ABR: variants seen among roughly 807,000 people sequenced by gnomAD.
The protein encoded by ABR is active breakpoint cluster region-related protein.
In ABR, 35 loss-of-function variants were observed where a neutral mutation model predicts 107.2. The ratio of observed to expected loss-of-function variants is 0.33; its 90% CI spans 0.25 to 0.43. ABR has a LOEUF of 0.43. Ranked by LOEUF, ABR falls within the 20% of genes least tolerant of loss-of-function variation. ABR has a pLI of 1.00. For synonymous variants in ABR, 498 were observed against 462.0 expected, an observed-to-expected ratio of 1.08 and a Z score of -1.00; for missense variants, 815 against 1,115.2, an observed-to-expected ratio of 0.73 and a Z score of 3.83.
At chr17:1,057,463 C>T (rs1597591333) in intron 12 of ABR, among the ~76,000 whole-genome samples, 2 of 151,726 alleles carry the variant, frequency 1.3e-5, no homozygotes, top group Admixed American at 1.3e-4. Flanking sequence ...CTGCAACCTC[C>T]GCCTCTCAGG....
At chr17:1,091,972 A>G in intron 3 of ABR, 122 bp from the exon 4 acceptor site, 1 of 1,054,928 alleles carries the variant, frequency 9.5e-7, no homozygotes, top group Non-Finnish European at 1.4e-6. Context: ...AAGGCTGCCA[A>G]AGGCAGGGCA....
chr17:1,018,590 C>G (rs1048357121), intron 16 of ABR, among the ~76,000 whole-genome samples: 1 of 152,166 alleles, frequency 6.6e-6, no homozygotes, highest in African/African-American at 2.4e-5. Flanking sequence ...TCAGGGGGAC[C>G]TGGACACAAC....
chr17:1,172,161 C>T (rs1361180227), intron 1 of ABR, among the ~76,000 whole-genome samples: 1 of 152,214 alleles, frequency 6.6e-6, no homozygotes, highest in Non-Finnish European at 1.5e-5. Flanking sequence ...CCAGTCAGGT[C>T]TCGACCCGGG....
Position 1,179,855 on chromosome 17 carries a change from C to G in ABR, c.-128G>C. The G allele has an allele frequency of 1.0e-6, 1 of 988,274 alleles. No homozygotes were observed. Among genetic ancestry groups the G allele is most frequent in the Non-Finnish European group, 1.4e-6 (1 of 732,682 alleles). 61.2% of individuals were successfully genotyped at this position (988,274 alleles called of 1,614,324 possible). A position where few individuals can be genotyped will look rare whatever the true frequency, so the allele number is the denominator to read the frequency against. ...GGGGCGAGGAGGCCGGGAACCAGGT[C>G]CCCGGGAGGAGCGCGGGGCGGCCGG... On this transcript the variant is annotated 5_prime_UTR_variant, in exon 1 of 23. Coordinates refer to ENST00000302538, the MANE Select transcript of ABR (RefSeq NM_021962.5). This position sits in a 1 kb window ranked among gnomAD's most constrained non-coding sequence, Gnocchi z 4.9.
intron 2 of ABR, among the ~76,000 whole-genome samples, chr17:1,103,516 G>A (rs550574754): frequency 3.0e-4 from 45 of 152,148 alleles, no homozygotes; most frequent in African/African-American, 8.7e-4. Flanking sequence ...GGACTAGGAT[G>A]GGGGGAAGAA....
Position 1,078,721 on chromosome 17 carries a change from C to A in ABR, c.700+609G>T. 1 of 1,323,328 alleles carries A rather than the reference C, an allele frequency of 7.6e-7. No individual in the cohort carries two copies. The highest frequency in any genetic ancestry group is 1.0e-6 in the Non-Finnish European group (1 of 967,548). 82.0% of individuals were successfully genotyped at this position (1,323,328 alleles called of 1,614,324 possible). On this transcript the variant is annotated intron_variant, in intron 6 of 22. Coordinates refer to ENST00000302538, the MANE Select transcript of ABR (RefSeq NM_021962.5). This position sits in a 1 kb window ranked among gnomAD's most constrained non-coding sequence, Gnocchi z 7.5. ...GCTCGCCCACCCTCCTTCCCTGCGG[C>A]CCTCTAACCTCCCCGGCCACATCTA...
intron 4 of ABR, among the ~76,000 whole-genome samples, chr17:1,090,446 G>A (rs754840475): frequency 4.6e-5 from 7 of 152,170 alleles, no homozygotes; most frequent in African/African-American, 7.2e-5. Context: ...AGGAGGATAC[G>A]CAGCTGTCCA....
intron 1 of ABR, among the ~76,000 whole-genome samples, chr17:1,173,350 ACT>A (rs2041814764): frequency 8.4e-6 from 1 of 119,044 alleles, no homozygotes; most frequent in Admixed American, 9.3e-5. Context: ...ACCTCAGTCC[ACT>A]CAACACATCA....
chr17:1,099,628 C>A (rs923419816), intron 3 of ABR, among the ~76,000 whole-genome samples: 2 of 152,228 alleles, frequency 1.3e-5, no homozygotes, highest in African/African-American at 2.4e-5. Context: ...GATCACTCTG[C>A]ATAACATCCA....
At chr17:1,035,967 C>T (rs1370250677) in intron 16 of ABR, among the ~76,000 whole-genome samples, 1 of 151,840 alleles carries the variant, frequency 6.6e-6, no homozygotes, top group Admixed American at 6.6e-5. Flanking sequence ...CCTGTGCGAG[C>T]GGGAGGGGCA....
intron 16 of ABR, among the ~76,000 whole-genome samples, chr17:1,042,814 C>G (rs2030873828): frequency 6.6e-6 from 1 of 152,166 alleles, no homozygotes; most frequent in Non-Finnish European, 1.5e-5. Flanking sequence ...AGACGTGGCA[C>G]CTACATCCAC....
Position 1,071,478 on chromosome 17 carries a change from C to T in ABR, c.894+1136G>A, listed in dbSNP as rs1429562761. Among the ~76,000 whole-genome samples the T allele has an allele frequency of 6.6e-6, 1 of 152,216 alleles. No individual in the cohort carries two copies. Among genetic ancestry groups the T allele is most frequent in the Non-Finnish European group, 1.5e-5 (1 of 68,034 alleles). On this transcript the variant is annotated intron_variant, in intron 8 of 22. Coordinates refer to ENST00000302538, the MANE Select transcript of ABR (RefSeq NM_021962.5). The surrounding 1 kb of genome is among the most constrained non-coding windows in gnomAD (Gnocchi z 5.1). ...CCCGGCTGCCAATCCACGAAGGCAA[C>T]TGTCCCTCTCATGCTTCCTGGTACT...
chr17:1,126,886 G>A (rs2039626637), intron 1 of ABR, among the ~76,000 whole-genome samples: 1 of 152,234 alleles, frequency 6.6e-6, no homozygotes, highest in Non-Finnish European at 1.5e-5. Context: ...GAATGAATGA[G>A]CAGAGGATCG....
intron 1 of ABR, among the ~76,000 whole-genome samples, chr17:1,213,363 G>C (rs2042938720): frequency 6.6e-6 from 1 of 152,140 alleles, no homozygotes; most frequent in Admixed American, 6.6e-5. Context: ...GTACTATTTG[G>C]TGTGAATTAA....
intron 4 of ABR, among the ~76,000 whole-genome samples, chr17:1,088,948 T>A (rs918533984): frequency 6.4e-5 from 9 of 141,030 alleles, no homozygotes; most frequent in African/African-American, 2.4e-4. Flanking sequence ...CAGGCTGGAG[T>A]GCAATGGTGT....
chr17:1,117,753 GT>G (rs2039089407), intron 2 of ABR, among the ~76,000 whole-genome samples: 1 of 77,584 alleles, frequency 1.3e-5, no homozygotes. Flanking sequence ...CTGAGCCTGA[GT>G]TCCTCCCAGC....
At chr17:1,116,001 CG>C (rs1567784292) in intron 2 of ABR, among the ~76,000 whole-genome samples, 2 of 151,716 alleles carry the variant, frequency 1.3e-5, no homozygotes, top group Non-Finnish European at 2.9e-5. Flanking sequence ...CCGAGGCGGG[CG>C]GATCACCTGA....
intron 1 of ABR, among the ~76,000 whole-genome samples, chr17:1,215,523 A>T (rs1210548038): frequency 2.0e-5 from 3 of 152,160 alleles, no homozygotes; most frequent in Non-Finnish European, 4.4e-5. Flanking sequence ...TTGCGGACGG[A>T]GTCTCGTTCA....
intron 1 of ABR, among the ~76,000 whole-genome samples, chr17:1,167,702 G>A (rs1355787132): frequency 2.0e-5 from 3 of 152,248 alleles, no homozygotes; most frequent in Non-Finnish European, 4.4e-5. Context: ...GGTTGCCGGA[G>A]GCTAAATGAG....
Sources: gnomAD v4.1 joint callset for allele counts (sites outside exome capture counted in the v4.1 genomes callset) on GRCh38, gnomAD v4.1.1 for gene constraint, Gnocchi (gnomAD v3.1) non-coding constraint, MANE v1.5 for transcripts, NCBI Gene and HGNC (gene_info 2026-07-23, HGNC 2026-07-21) for gene names.